The following LAMA5 variants were observed in gnomAD, a reference collection of about 807,000 sequenced individuals.
The protein encoded by LAMA5 is laminin subunit alpha-5.
A neutral mutation model predicts 433.4 loss-of-function variants in LAMA5; 260 were observed. That is an observed-to-expected ratio of 0.60 (90% CI 0.54 to 0.66). The LOEUF (loss-of-function observed/expected upper bound fraction) is 0.66. Among genes scored for constraint, LAMA5 ranks in the 30% least tolerant of loss-of-function variants. LAMA5 has a pLI of 0.00. For missense variants in LAMA5, 5,378 were observed against 5,258.5 expected (o/e 1.02, Z -0.70); for synonymous variants, 2,620 against 2,226.6 (o/e 1.18, Z -4.97).
chr20:62,358,186 TG>T (rs1555885505), intron 2 of LAMA5, among the ~76,000 whole-genome samples: 1 of 151,798 alleles, frequency 6.6e-6, no homozygotes, highest in Non-Finnish European at 1.5e-5. Context: ...GGCGCGGGGG[TG>T]CGGGGAGAGG....
Position 62,346,079 on chromosome 20 carries a change from A to T in LAMA5, c.1417+2T>A. ...GTTTGGATGCCCCTGGCAGGTGCTC[A>T]CGGTAGCAGCTTGGGAAGCCCGTGA... On this transcript the variant is annotated splice_donor_variant, in intron 10 of 79. Coordinates refer to ENST00000252999, the MANE Select transcript of LAMA5 (RefSeq NM_005560.6). LOFTEE classifies it high-confidence loss of function. The T allele has an allele frequency of 6.2e-7, 1 of 1,612,930 alleles. No homozygotes were observed. Among genetic ancestry groups the T allele is most frequent in the Non-Finnish European group, 8.5e-7 (1 of 1,179,948 alleles).
intron 51 of LAMA5, 140 bp downstream of exon 51, chr20:62,319,544 T>A: frequency 1.6e-6 from 1 of 624,498 alleles, no homozygotes; most frequent in South Asian, 2.0e-5. Flanking sequence ...TGCCCTACTG[T>A]TCACTCCAGA....
rs1423695049 is a variant in LAMA5 at position 62,329,123 on chromosome 20, C to T, written c.4235+15G>A. The T allele has an allele frequency of 6.2e-7, 1 of 1,612,432 alleles. No individual in the cohort carries two copies. ...CCCCCACCCCGGACCCCTGACCTGCCAGAGCCCTGCCCACCTGATGTGGTA... is the reference window on the plus strand; with the variant it reads ...CCCCCACCCCGGACCCCTGACCTGCTAGAGCCCTGCCCACCTGATGTGGTA... On this transcript the variant is annotated intron_variant, in intron 33 of 79. Coordinates refer to ENST00000252999, the MANE Select transcript of LAMA5 (RefSeq NM_005560.6).
Position 62,310,061 on chromosome 20 carries a change from G to A in LAMA5, c.10755C>T (p.Asp3585=), listed in dbSNP as rs773900483. The A allele has an allele frequency of 3.7e-5, 60 of 1,611,200 alleles. No individual in the cohort carries two copies. Among genetic ancestry groups the A allele is most frequent in the Non-Finnish European group, 4.6e-5 (54 of 1,179,770 alleles). The change falls in exon 78 of 80, where the codon GAC becomes GAT. Residue 3585 remains aspartate, a synonymous_variant. Transcript: ENST00000252999. ...TEKQVLLRAD[D]GAGEFSTSVT... is the part of the protein sequence containing the mutation. Reference sequence around the variant, plus strand: ...CTGACGTGGAGAACTCCCCTGCTCCGTCATCCGCCCGCAGCAGGACCTGGC... The same window carrying A: ...CTGACGTGGAGAACTCCCCTGCTCCATCATCCGCCCGCAGCAGGACCTGGC...
rs959411194 is a variant in LAMA5 at position 62,319,616 on chromosome 20, C to G, written c.6871+68G>C. On this transcript the variant is annotated intron_variant, in intron 51 of 79. Transcript: ENST00000252999. ...TTCTTCCAGGCCAAGCTCGGCCAGG[C>G]ACCCCCACCCCTACCCCAGGCAGCC... The G allele has an allele frequency of 3.0e-5, 35 of 1,165,324 alleles. No homozygotes were observed. In the African/African-American group the frequency reaches 4.9e-4, roughly 16 times the overall value. The allele number at this position is 1,165,324 out of a possible 1,614,324, so 72.2% of individuals were successfully genotyped here. A position where few individuals can be genotyped will look rare whatever the true frequency, so the allele number is the denominator to read the frequency against.
chr20:62,328,777 G>A (rs529816255), intron 34 of LAMA5, 67 bp downstream of exon 34: 47 of 1,467,756 alleles, frequency 3.2e-5, no homozygotes, highest in South Asian at 2.6e-4. Flanking sequence ...CTTTCTGGTC[G>A]ACCCGTCCAC....
chr20:62,330,542 C>A lies in LAMA5; in HGVS notation c.3925G>T (p.Ala1309Ser). The change falls in exon 31 of 80, where the codon GCC becomes TCC. Residue 1309 changes from alanine to serine, a missense_variant. Ala to Ser is a moderately conservative substitution (Grantham distance 99). Coordinates refer to ENST00000252999, the MANE Select transcript of LAMA5 (RefSeq NM_005560.6). The part of the protein sequence containing the change: ...YAFLLHGYQP[A>S]HPTFPVEVLI... ...ACTTCCACGGGGAAGGTGGGGTGGGCTGGCTGGTAGCCGTGCAGCAGGAAG... is the reference window on the plus strand; with the variant it reads ...ACTTCCACGGGGAAGGTGGGGTGGGATGGCTGGTAGCCGTGCAGCAGGAAG... 1 of 1,583,456 alleles carries A rather than the reference C, an allele frequency of 6.3e-7. No homozygotes were observed. Among genetic ancestry groups the A allele is most frequent in the Non-Finnish European group, 8.6e-7 (1 of 1,166,156 alleles).
rs140700430 is a variant in LAMA5, at chr20:62,338,118, C to G, written c.1789G>C (p.Glu597Gln). ...CAGCGGCCGGCCTCATCGCAGCCCTCGGGCAAGGTTCCTGCAGGGCTGCAG... is the reference window on the plus strand; with the variant it reads ...CAGCGGCCGGCCTCATCGCAGCCCTGGGGCAAGGTTCCTGCAGGGCTGCAG... ...CGCSPAGTLPEGCDEAGRCLC... is the reference protein window; with the variant it reads ...CGCSPAGTLPQGCDEAGRCLC... Residue 597 changes from glutamate (E) to glutamine (Q), a missense_variant, in exon 14 of 80, where the codon GAG becomes CAG. Transcript: ENST00000252999. The G allele has an allele frequency of 6.3e-7, 1 of 1,595,622 alleles. No homozygotes were observed. Among genetic ancestry groups the G allele is most frequent in the South Asian group, 1.1e-5 (1 of 88,392 alleles).
chr20:62,352,239 C>G lies in LAMA5; in HGVS notation c.687+3G>C. The G allele has an allele frequency of 6.3e-7, 1 of 1,598,130 alleles. No individual in the cohort carries two copies. On this transcript the variant is annotated splice_donor_region_variant and intron_variant, in intron 4 of 79. Coordinates refer to ENST00000252999, the MANE Select transcript of LAMA5 (RefSeq NM_005560.6). ...CGTACCGCCCTGCCCCTCCCCGGCC[C>G]ACCTCTCCGTTCTCCAGGGGCACGA...
intron 69 of LAMA5, 37 bp downstream of exon 69, chr20:62,312,136 C>T (rs750719952): frequency 1.4e-5 from 23 of 1,609,416 alleles, no homozygotes; most frequent in South Asian, 1.3e-4. Flanking sequence ...CGACGGCCAC[C>T]GCGGGGTGGG....
rs749963758 is a variant in LAMA5 at position 62,311,662 on chromosome 20, C to G, written c.9758G>C (p.Gly3253Ala). 5 of 1,597,456 alleles carry G rather than the reference C, an allele frequency of 3.1e-6. No homozygotes were observed. The South Asian group carries it at 5.6e-5, about 18-fold the overall frequency. ...GCAGCCACTGAAGTTGTAAATGGTG[C>G]CAGACTCAGGCAGGCCTCCCAGGAG... ...RLLLGGLPES[G>A]TIYNFSGCIS... The change falls in exon 71 of 80, where the codon GGC becomes GCC. Residue 3253 changes from glycine to alanine, a missense_variant. By Grantham distance (60) the Gly-to-Ala change is moderately conservative. Coordinates refer to ENST00000252999, the MANE Select transcript of LAMA5 (RefSeq NM_005560.6).
Position 62,318,470 on chromosome 20 carries a change from CGCTCCTGGTTGCGGCTGTTGA to C in LAMA5, c.7202_7222del (p.Leu2401_Glu2407del). ...GGTCCTCACCAGGGCTTCCTCCAGG[CGCTCCTGGTTGCGGCTGTTGA>C]GCTCCTGGGCCTCCCGTGTGGCGTC... On this transcript the variant is annotated inframe_deletion, in exon 53 of 80. Coordinates refer to ENST00000252999, the MANE Select transcript of LAMA5 (RefSeq NM_005560.6). 1 of 1,599,048 alleles carries C rather than the reference CGCTCCTGGTTGCGGCTGTTGA, an allele frequency of 6.3e-7. No homozygotes were observed. Among genetic ancestry groups the C allele is most frequent in the Non-Finnish European group, 8.5e-7 (1 of 1,174,844 alleles).
At position 62,332,586 on chromosome 20, in the gene LAMA5, C is replaced by A. The variant is rs369227156; in HGVS notation, c.3414G>T (p.Gly1138=). ...ACAGGCAGGGGTGCAGGGAGAGCAG[C>A]CCCTGCTGGGGGGCCCGCTGTGGGG... ...VHTPQRAPQQ[G]LLSLHPCLYS... The change falls in exon 27 of 80, where the codon GGG becomes GGT. Residue 1138 remains glycine (G), a synonymous_variant. Coordinates refer to ENST00000252999, the MANE Select transcript of LAMA5 (RefSeq NM_005560.6). 9.4e-6 allele frequency: 15 copies of A among 1,593,572 alleles called. No individual in the cohort carries two copies. In the South Asian group the frequency reaches 1.7e-4, roughly 18 times the overall value.
chr20:62,356,770 G>C (rs1344712497), intron 2 of LAMA5, among the ~76,000 whole-genome samples: 2 of 152,156 alleles, frequency 1.3e-5, no homozygotes, highest in African/African-American at 2.4e-5. Context: ...CAGGGCAGTG[G>C]GAAGAGCTGC....
Position 62,311,537 on chromosome 20 carries a change from C to G in LAMA5, c.9807-1G>C. The G allele has an allele frequency of 6.2e-7, 1 of 1,609,506 alleles. No individual in the cohort carries two copies. Among genetic ancestry groups the G allele is most frequent in the Non-Finnish European group, 8.5e-7 (1 of 1,177,860 alleles). ...AAATACGCGCTGTGGGCCCAGGAGC[C>G]TGTGCAGGGCGGGCAGGCGGTCAGC... On this transcript the variant is annotated splice_acceptor_variant, in intron 71 of 79. Transcript: ENST00000252999. LOFTEE classifies it high-confidence loss of function.
In LAMA5 at chr20:62,330,774, T is replaced by C. The variant is rs1360278965; in HGVS notation, c.3821A>G (p.Asp1274Gly). ...CTCACGCAGCAGGGTGGGCTCTGCA[T>C]CAGGGTCCACAGCGGTGGGGGGCCG... ...RPRPPTAVDP[D>G]AEPTLLREPQ... Residue 1274 changes from aspartate (D) to glycine (G), a missense_variant, in exon 30 of 80, where the codon GAT becomes GGT. Physicochemically the swap from Asp to Gly is moderately conservative, Grantham distance 94. Transcript: ENST00000252999. 1 of 1,564,004 alleles carries C rather than the reference T, an allele frequency of 6.4e-7. No individual in the cohort carries two copies. The highest frequency in any genetic ancestry group is 1.4e-5 in the African/African-American group (1 of 73,712).
In LAMA5 at chr20:62,323,826, G is replaced by A. The variant is rs2146134628; in HGVS notation, c.5799C>T (p.Gly1933=). 6.2e-7 allele frequency: 1 copy of A among 1,609,670 alleles called. No individual in the cohort carries two copies. Among genetic ancestry groups the A allele is most frequent in the Non-Finnish European group, 8.5e-7 (1 of 1,178,620 alleles). Residue 1933 remains glycine (G), a synonymous_variant, in exon 44 of 80, where the codon GGC becomes GGT. Transcript: ENST00000252999. The stretch of plus-strand genomic sequence containing the variant: ...CAGGTTTGCAGAGGCACTGGGTGCG[G>A]CCGCCTCGCAGGACACAGCCCTCGG... ...NFAEGCVLRG[G]RTQCLCKPGY...
Position 62,328,261 on chromosome 20 carries a change from G to C in LAMA5, c.4632C>G (p.Asp1544Glu). The change falls in exon 35 of 80, where the codon GAC (aspartate) becomes GAG (glutamate). Residue 1544 changes from aspartate (D) to glutamate (E), a missense_variant. Coordinates refer to ENST00000252999, the MANE Select transcript of LAMA5 (RefSeq NM_005560.6). ...CTCACTTGCACTGGCCGCTGTCTGT[G>C]TCACAGGTAGGGTCTGTGAGCTCCT... ...GIQELTDPTC[D>E]TDSGQCKCRP... 1 of 1,607,406 alleles carries C rather than the reference G, an allele frequency of 6.2e-7. No individual in the cohort carries two copies. The highest frequency in any genetic ancestry group is 8.5e-7 in the Non-Finnish European group (1 of 1,177,498).
chr20:62,362,946 C>T (rs1044467603), intron 1 of LAMA5, among the ~76,000 whole-genome samples: 4 of 152,186 alleles, frequency 2.6e-5, no homozygotes, highest in Non-Finnish European at 5.9e-5. Context: ...CACAGTAAAC[C>T]ACAAGGTGGA....
Sources: gnomAD v4.1 joint callset for allele counts (sites outside exome capture counted in the v4.1 genomes callset) on GRCh38, gnomAD v4.1.1 for gene constraint, MANE v1.5 for transcripts, NCBI Gene and HGNC (gene_info 2026-07-23, HGNC 2026-07-21) for gene names.